RAD17: variants seen among roughly 807,000 people sequenced by gnomAD.
RAD17 encodes RAD17 checkpoint clamp loader component, also known as cell cycle checkpoint protein RAD17.
A neutral mutation model predicts 81.5 loss-of-function variants in RAD17; 31 were observed. That is an observed-to-expected ratio of 0.38 (90% CI 0.29 to 0.51). The LOEUF (loss-of-function observed/expected upper bound fraction) is 0.51, where lower values mean the gene tolerates loss of function less well. Ranked by LOEUF, RAD17 falls within the 20% of genes least tolerant of loss-of-function variation. The pLI is 0.88. For missense variants in RAD17, 681 were observed against 781.2 expected, an observed-to-expected ratio of 0.87 and a Z score of 1.53; for synonymous variants, 261 against 266.2, an observed-to-expected ratio of 0.98 and a Z score of 0.19.
In RAD17 at chr5:69,399,671, C is replaced by G. The variant is rs909163476; in HGVS notation, c.1573-378C>G. 2.3e-5 allele frequency among the ~76,000 whole-genome samples: 3 copies of G among 131,982 alleles called. No homozygotes were observed. In the South Asian group the frequency reaches 7.9e-4, roughly 35 times the overall value. The allele number at this position is 131,982 out of a possible 152,430, so 86.6% of individuals were successfully genotyped here. A position where few individuals can be genotyped will look rare whatever the true frequency, so the allele number is the denominator to read the frequency against. On this transcript the variant is annotated intron_variant, in intron 16 of 18. Coordinates refer to ENST00000354868, the MANE Select transcript of RAD17 (RefSeq NM_133338.3). Reference sequence around the variant, plus strand: ...TTGAAGGCAGGGATTGTGCTTTTCTCTTGCTCAGCATAACGTGTTGACTAA... The same window carrying G: ...TTGAAGGCAGGGATTGTGCTTTTCTGTTGCTCAGCATAACGTGTTGACTAA...
intron 17 of RAD17, among the ~76,000 whole-genome samples, chr5:69,406,233 T>G (rs1765595391): frequency 6.6e-6 from 1 of 152,134 alleles, no homozygotes; most frequent in Non-Finnish European, 1.5e-5. Flanking sequence ...ATCTTGTCAT[T>G]TGCAGTAACA....
rs774558750 is a variant in RAD17 at position 69,410,542 on chromosome 5, C to T, written c.1743C>T (p.His581=). Residue 581 remains histidine, a synonymous_variant, in exon 18 of 19, where the codon CAC becomes CAT. Coordinates refer to ENST00000354868, the MANE Select transcript of RAD17 (RefSeq NM_133338.3). ...QDIGRLPLKR[H]FGRLKMEALT... Reference sequence around the variant, plus strand: ...TTGGAAGGCTCCCTCTGAAGCGACACTTTGGAAGGTAAGCTGATCATCTCA... The same window carrying T: ...TTGGAAGGCTCCCTCTGAAGCGACATTTTGGAAGGTAAGCTGATCATCTCA... 16 of 1,612,966 alleles carry T rather than the reference C, an allele frequency of 9.9e-6. No individual in the cohort carries two copies. In the African/African-American group the frequency reaches 1.3e-4, roughly 13 times the overall value.
At chr5:69,399,369 A>G (rs1375575422) in intron 16 of RAD17, among the ~76,000 whole-genome samples, 1 of 152,204 alleles carries the variant, frequency 6.6e-6, no homozygotes, top group Non-Finnish European at 1.5e-5. Flanking sequence ...CACTGTCCCC[A>G]GCTGGTTCAT....
chr5:69,413,343 G>C lies in RAD17; in HGVS notation c.1752-688G>C, dbSNP rs190547088. 7.6e-4 allele frequency among the ~76,000 whole-genome samples: 115 copies of C among 152,082 alleles called. 1 individual carries two copies. Among genetic ancestry groups the C allele is most frequent in the African/African-American group, 2.7e-3 (113 of 41,494 alleles). On this transcript the variant is annotated intron_variant, in intron 18 of 18. Transcript: ENST00000354868. ...AATCCCAGCTACTTGGGAGGCTGAG[G>C]CAGGAGAATCGCTTGAACCTGGGAG...
intron 17 of RAD17, among the ~76,000 whole-genome samples, chr5:69,407,606 G>A (rs897015157): frequency 1.4e-4 from 15 of 106,134 alleles, no homozygotes; most frequent in African/African-American, 5.1e-4. Flanking sequence ...AGACAGAGTC[G>A]CCCTCTGTTG....
At position 69,402,003 on chromosome 5, in the gene RAD17, C is replaced by CAAA. The variant is rs1173414879; in HGVS notation, c.1693+1856_1693+1858dup. ...TGGGCAACAGAGCAAGACTCTGTCT[C>CAAA]AAAAAAAAAAAAAAAAAAAAAAAAG... On this transcript the variant is annotated intron_variant, in intron 17 of 18. Coordinates refer to ENST00000354868, the MANE Select transcript of RAD17 (RefSeq NM_133338.3). Among the ~76,000 whole-genome samples, 343 of 44,674 alleles carry CAAA rather than the reference C, an allele frequency of 7.7e-3. 11 individuals carry two copies. The highest frequency in any genetic ancestry group is 0.01 in the East Asian group (11 of 1,076). The allele number at this position is 44,674 out of a possible 152,430, so 29.3% of individuals were successfully genotyped here. A position where few individuals can be genotyped will look rare whatever the true frequency, so the allele number is the denominator to read the frequency against.
At chr5:69,401,547 A>G (rs910560618) in intron 17 of RAD17, among the ~76,000 whole-genome samples, 2 of 152,214 alleles carry the variant, frequency 1.3e-5, no homozygotes, top group East Asian at 1.9e-4. Context: ...AAACATTACT[A>G]TGCCTGTGGC....
chr5:69,387,191 T>C (rs1223899223), intron 11 of RAD17, among the ~76,000 whole-genome samples: 1 of 152,130 alleles, frequency 6.6e-6, no homozygotes, highest in Non-Finnish European at 1.5e-5. Flanking sequence ...CTGAAAGTGC[T>C]GAGATTTCAG....
chr5:69,402,629 T>C (rs1765346259), intron 17 of RAD17, among the ~76,000 whole-genome samples: 1 of 147,140 alleles, frequency 6.8e-6, no homozygotes, highest in Non-Finnish European at 1.5e-5. Flanking sequence ...CACTCCAGCC[T>C]GGGAGACAGA....
chr5:69,411,411 C>CA (rs1561280206), intron 18 of RAD17, among the ~76,000 whole-genome samples: 1 of 151,362 alleles, frequency 6.6e-6, no homozygotes, highest in Non-Finnish European at 1.5e-5. Flanking sequence ...AACTCCATCT[C>CA]AAAAAAAAGA....
upstream of RAD17, chr5:69,369,546 G>A (rs1051156519): frequency 1.9e-5 from 31 of 1,610,362 alleles, no homozygotes; most frequent in South Asian, 2.4e-4. Context: ...GCTCTACAGG[G>A]AGGAGCCGGA....
intron 12 of RAD17, 35 bp downstream of exon 12, chr5:69,389,180 T>G: frequency 7.8e-7 from 1 of 1,289,530 alleles, no homozygotes; most frequent in Non-Finnish European, 1.1e-6. Context: ...TGGCATTATA[T>G]AGGTGACTGA....
chr5:69,381,479 C>G (rs1242506300), intron 6 of RAD17, among the ~76,000 whole-genome samples: 1 of 133,342 alleles, frequency 7.5e-6, no homozygotes. Flanking sequence ...AGACTCGTCT[C>G]AAAAAAAAAA....
At chr5:69,393,546 A>G (rs1346301421) in intron 15 of RAD17, 46 bp downstream of exon 15, 1 of 1,515,696 alleles carries the variant, frequency 6.6e-7, no homozygotes, top group Non-Finnish European at 8.9e-7. Flanking sequence ...GTATTTCCTT[A>G]GAATTAAGAA....
chr5:69,408,951 C>T (rs938269192), intron 17 of RAD17, among the ~76,000 whole-genome samples: 5 of 152,258 alleles, frequency 3.3e-5, no homozygotes, highest in Middle Eastern at 3.4e-3. Context: ...CAGGAGGGCC[C>T]TTCTTAGTTG....
intron 17 of RAD17, among the ~76,000 whole-genome samples, chr5:69,407,639 C>G: frequency 7.6e-6 from 1 of 131,632 alleles, no homozygotes. Context: ...TGCGGTAGCA[C>G]CATCTCAGCT....
At position 69,369,948 on chromosome 5, in the gene RAD17, G is replaced by C; in HGVS notation, c.-417+15G>C. The C allele has an allele frequency of 3.6e-6, 2 of 562,286 alleles. No individual in the cohort carries two copies. The highest frequency in any genetic ancestry group is 3.3e-5 in the Admixed American group (1 of 30,520). 34.8% of individuals were successfully genotyped at this position (562,286 alleles called of 1,614,324 possible). A position where few individuals can be genotyped will look rare whatever the true frequency, so the allele number is the denominator to read the frequency against. On this transcript the variant is annotated intron_variant, in intron 1 of 18. Transcript: ENST00000354868. ...GCTCCGGGAAAGTAAGGCCGCCGCG[G>C]TTGCGGCTATATTATGTATATGTCT...
chr5:69,377,476 C>CATATATATATATATATATATAT (rs1763449766), intron 6 of RAD17, among the ~76,000 whole-genome samples: 1 of 7,232 alleles, frequency 1.4e-4, no homozygotes, highest in African/African-American at 2.5e-4. Context: ...TATATATATA[C>CATATATATATATATATATATAT]ACACACACAC....
rs34576402 is a variant in RAD17, at chr5:69,400,626, G to GTTT, written c.1693+465_1693+467dup. Among the ~76,000 whole-genome samples the GTTT allele has an allele frequency of 1.1e-4, 16 of 149,654 alleles. No individual in the cohort carries two copies. In the East Asian group the frequency reaches 3.1e-3, roughly 29 times the overall value. On this transcript the variant is annotated intron_variant, in intron 17 of 18. Transcript: ENST00000354868. ...ATCCAGATAATTCTGGATCCTTTAT[G>GTTT]TTTTTTTTTTAAAACGCATCAAACA... is the stretch of plus-strand genomic sequence containing the variant.
Sources: allele counts gnomAD v4.1 joint callset (sites outside exome capture counted in the v4.1 genomes callset), GRCh38; gene constraint gnomAD v4.1.1; transcripts MANE v1.5; gene names NCBI Gene and HGNC (gene_info 2026-07-23, HGNC 2026-07-21).